GREM2: variants seen among roughly 807,000 people sequenced by gnomAD.
GREM2 encodes gremlin 2, DAN family BMP antagonist, also known as gremlin-2.
GREM2 carries 11 observed loss-of-function variants against 14.2 expected under a neutral mutation model. The ratio of observed to expected loss-of-function variants is 0.78; its 90% CI spans 0.49 to 1.28. The LOEUF (loss-of-function observed/expected upper bound fraction) is 1.28. Ranked by LOEUF, GREM2 falls within the 50% of genes most tolerant of loss-of-function variation. GREM2 has a pLI of 0.00. For synonymous variants in GREM2, 98 were observed against 97.6 expected (o/e 1.00, Z -0.02); for missense variants, 210 against 218.5 (o/e 0.96, Z 0.24).
intron 1 of GREM2, among the ~76,000 whole-genome samples, chr1:240,575,284 T>G (rs767175250): frequency 6.6e-6 from 1 of 152,184 alleles, no homozygotes; most frequent in East Asian, 1.9e-4. Flanking sequence ...TGGTTCTACC[T>G]CCTCTTTTAT....
rs948760875 is a variant in GREM2, at chr1:240,540,766, T to A, written c.-1-47290A>T. The stretch of plus-strand genomic sequence containing the variant: ...TTAGTAGAGACAGGGTTTCACCATG[T>A]TGACCAGGGTGGTCTTGATCTACTG... On this transcript the variant is annotated intron_variant, in intron 1 of 1. Transcript: ENST00000318160. The surrounding 1 kb of genome is among the most constrained non-coding windows in gnomAD (Gnocchi z 4.2). Among the ~76,000 whole-genome samples, 1 of 152,142 alleles carries A rather than the reference T, an allele frequency of 6.6e-6. No individual in the cohort carries two copies. The highest frequency in any genetic ancestry group is 2.4e-5 in the African/African-American group (1 of 41,432).
intron 1 of GREM2, among the ~76,000 whole-genome samples, chr1:240,565,648 A>G (rs1003822820): frequency 6.6e-6 from 1 of 152,042 alleles, no homozygotes; most frequent in African/African-American, 2.4e-5. Flanking sequence ...GGACGAGATC[A>G]GCCTGGGTAA....
chr1:240,523,061 T>A (rs1678138084), intron 1 of GREM2, among the ~76,000 whole-genome samples: 1 of 152,224 alleles, frequency 6.6e-6, no homozygotes, highest in African/African-American at 2.4e-5. Flanking sequence ...TTTCAACCCA[T>A]CCCTGACCCT....
At chr1:240,555,546 G>C (rs1225563749) in intron 1 of GREM2, among the ~76,000 whole-genome samples, 1 of 152,212 alleles carries the variant, frequency 6.6e-6, no homozygotes, top group East Asian at 1.9e-4. Context: ...CAGATACAAT[G>C]AAAGTATAGC....
intron 1 of GREM2, among the ~76,000 whole-genome samples, chr1:240,546,953 G>C (rs1044862642): frequency 6.6e-5 from 10 of 152,162 alleles, no homozygotes; most frequent in Non-Finnish European, 1.3e-4. Flanking sequence ...CAATGGAAGA[G>C]AATAGACGAT....
At chr1:240,588,800 CAT>C (rs1257099559) in intron 1 of GREM2, 1 of 152,090 alleles carries the variant, frequency 6.6e-6, no homozygotes, top group Non-Finnish European at 1.5e-5. Flanking sequence ...ATTTTCAAAG[CAT>C]AGTTACTTAT....
At chr1:240,591,234 C>G (rs1679709168) in intron 1 of GREM2, among the ~76,000 whole-genome samples, 1 of 152,182 alleles carries the variant, frequency 6.6e-6, no homozygotes, top group African/African-American at 2.4e-5. Context: ...CACTCTCTAC[C>G]ACTGTCATTG....
At chr1:240,496,974 T>A (rs1363817131) in intron 1 of GREM2, among the ~76,000 whole-genome samples, 1 of 151,700 alleles carries the variant, frequency 6.6e-6, no homozygotes, top group Non-Finnish European at 1.5e-5. Flanking sequence ...TGAGCCAAGA[T>A]CATGCCATTG....
chr1:240,548,027 C>T (rs1018862507), intron 1 of GREM2, among the ~76,000 whole-genome samples: 9 of 151,422 alleles, frequency 5.9e-5, no homozygotes, highest in Non-Finnish European at 1.2e-4. Context: ...TTTGGGAGGC[C>T]AAGGTGGGTG....
chr1:240,598,096 G>A (rs894610294), intron 1 of GREM2, among the ~76,000 whole-genome samples: 2 of 152,152 alleles, frequency 1.3e-5, no homozygotes, highest in Non-Finnish European at 2.9e-5. Context: ...ATTGGCCAAC[G>A]TTTTAATCAT....
intron 1 of GREM2, among the ~76,000 whole-genome samples, chr1:240,605,390 T>C (rs1680004227): frequency 6.6e-6 from 1 of 151,968 alleles, no homozygotes; most frequent in East Asian, 1.9e-4. Context: ...GGTGGGGGGA[T>C]CACTTGAACG....
At chr1:240,566,383 A>C (rs1348627216) in intron 1 of GREM2, among the ~76,000 whole-genome samples, 3 of 152,172 alleles carry the variant, frequency 2.0e-5, no homozygotes, top group Non-Finnish European at 2.9e-5. Context: ...GGAAGATGGA[A>C]AATAAAGTGA....
At chr1:240,521,985 T>C (rs1678110224) in intron 1 of GREM2, among the ~76,000 whole-genome samples, 1 of 151,236 alleles carries the variant, frequency 6.6e-6, no homozygotes. Context: ...CTCGGCATGG[T>C]GGCACACACC....
intron 1 of GREM2, among the ~76,000 whole-genome samples, chr1:240,587,742 T>A (rs970753249): frequency 6.6e-6 from 1 of 152,224 alleles, no homozygotes; most frequent in African/African-American, 2.4e-5. Context: ...TATACTATAA[T>A]GAATGGCACT....
At chr1:240,559,072 T>C (rs1553276634) in intron 1 of GREM2, among the ~76,000 whole-genome samples, 1 of 152,098 alleles carries the variant, frequency 6.6e-6, no homozygotes, top group Non-Finnish European at 1.5e-5. Context: ...TATTCTTTGT[T>C]AGTATACCAA....
intron 1 of GREM2, among the ~76,000 whole-genome samples, chr1:240,580,475 A>G (rs1679463745): frequency 6.6e-6 from 1 of 152,202 alleles, no homozygotes; most frequent in Non-Finnish European, 1.5e-5. Context: ...ATAATTGATG[A>G]CTTGCTTTAA....
intron 1 of GREM2, among the ~76,000 whole-genome samples, chr1:240,522,695 A>G (rs889923558): frequency 2.0e-5 from 3 of 152,174 alleles, no homozygotes; most frequent in Non-Finnish European, 4.4e-5. Context: ...GCTAAGACTA[A>G]AGCCTGTTTG....
At position 240,610,947 on chromosome 1, in the gene GREM2, T is replaced by C. The variant is rs1386710861; in HGVS notation, c.-2+937A>G. Among the ~76,000 whole-genome samples, 4 of 152,110 alleles carry C rather than the reference T, an allele frequency of 2.6e-5. No homozygotes were observed. The East Asian group carries it at 5.8e-4, about 22-fold the overall frequency. On this transcript the variant is annotated intron_variant, in intron 1 of 1. Transcript: ENST00000318160. The stretch of plus-strand genomic sequence containing the variant: ...TTTTCCCAGGAAAGACTGAACTCAT[T>C]AAGCAATGCTAATTTAATCACAAGT...
chr1:240,493,294 A>ACCAGGGCCTCCTGGCTGGAGG lies in GREM2; in HGVS notation c.161_181dup (p.Ala54_Leu60dup). Reference sequence around the variant, plus strand: ...CTTGAGGTACTTGCGCTCGGTGACCACCAGGGCCTCCTGGCTGGAGGCCAG... The same window carrying ACCAGGGCCTCCTGGCTGGAGG: ...CTTGAGGTACTTGCGCTCGGTGACCACCAGGGCCTCCTGGCTGGAGGCCAGGGCCTCCTGGCTGGAGGCCAG... On this transcript the variant is annotated inframe_insertion, in exon 2 of 2. Coordinates refer to ENST00000318160, the MANE Select transcript of GREM2 (RefSeq NM_022469.4). The ACCAGGGCCTCCTGGCTGGAGG allele has an allele frequency of 6.2e-7, 1 of 1,613,952 alleles. No homozygotes were observed. Among genetic ancestry groups the ACCAGGGCCTCCTGGCTGGAGG allele is most frequent in the Non-Finnish European group, 8.5e-7 (1 of 1,179,980 alleles).
Sources: allele counts gnomAD v4.1 joint callset (sites outside exome capture counted in the v4.1 genomes callset), GRCh38; gene constraint gnomAD v4.1.1; non-coding constraint Gnocchi (gnomAD v3.1); transcripts MANE v1.5; gene names NCBI Gene and HGNC (gene_info 2026-07-23, HGNC 2026-07-21).